The following ACAP2 variants were observed in gnomAD, a reference collection of about 807,000 sequenced individuals.
The protein encoded by ACAP2 is arf-GAP with coiled-coil, ANK repeat and PH domain-containing protein 2.
A neutral mutation model predicts 115.8 loss-of-function variants in ACAP2; 39 were observed. That is an observed-to-expected ratio of 0.34 (90% confidence interval 0.26 to 0.44). The LOEUF is 0.44. ACAP2 is among the 20% of genes least tolerant of loss of function. The pLI is 1.00. For missense variants in ACAP2, 662 were observed against 927.6 expected (o/e 0.71, Z 3.72); for synonymous variants, 289 against 315.8 (o/e 0.92, Z 0.90).
At chr3:195,424,523 T>G (rs950328334) in intron 1 of ACAP2, among the ~76,000 whole-genome samples, 6 of 150,978 alleles carry the variant, frequency 4.0e-5, no homozygotes, top group African/African-American at 1.5e-4. Context: ...GGTCTTGAAC[T>G]CCTGACCTCA....
intron 4 of ACAP2, among the ~76,000 whole-genome samples, chr3:195,365,698 T>C (rs900882730): frequency 2.6e-5 from 4 of 152,206 alleles, no homozygotes; most frequent in African/African-American, 9.6e-5. Flanking sequence ...TGTGCCACTA[T>C]AGATTCATTG....
chr3:195,275,737 G>C lies in ACAP2; in HGVS notation c.*3591C>G, dbSNP rs555960026. On this transcript the variant is annotated 3_prime_UTR_variant, in exon 23 of 23. Coordinates refer to ENST00000326793, the MANE Select transcript of ACAP2 (RefSeq NM_012287.6). ...AGGATCAAAAAAGTAGACAACTTTG[G>C]AGCTTAGATTAAGATCTCAGAAATC... 6.6e-6 allele frequency: 1 copy of C among 152,292 alleles called. No individual in the cohort carries two copies. Among genetic ancestry groups the C allele is most frequent in the South Asian group, 2.1e-4 (1 of 4,818 alleles). 9.4% of individuals were successfully genotyped at this position (152,292 alleles called of 1,614,324 possible).
At position 195,346,694 on chromosome 3, in the gene ACAP2, A is replaced by G. The variant is rs1731210083; in HGVS notation, c.286-1377T>C. On this transcript the variant is annotated intron_variant, in intron 4 of 22. Transcript: ENST00000326793. ...ATGTGGCCAAATGAAATTAAAACTT[A>G]TGTTCACACAAAAACCTGTACTCAA... Among the ~76,000 whole-genome samples the G allele has an allele frequency of 2.0e-5, 3 of 152,252 alleles. 1 individual carries two copies. The South Asian group carries it at 6.2e-4, about 31-fold the overall frequency.
At chr3:195,367,678 T>G (rs963358586) in intron 4 of ACAP2, among the ~76,000 whole-genome samples, 1 of 152,188 alleles carries the variant, frequency 6.6e-6, no homozygotes, top group Middle Eastern at 3.2e-3. Flanking sequence ...TAAGGGACCA[T>G]GTACCCACTG....
At chr3:195,361,764 A>C (rs142169025) in intron 4 of ACAP2, among the ~76,000 whole-genome samples, 400 of 152,232 alleles carry the variant, frequency 2.6e-3, no homozygotes, top group African/African-American at 9.1e-3. Flanking sequence ...AAAAGATTAA[A>C]AAACTGACAA....
intron 7 of ACAP2, chr3:195,336,477 G>A (rs1236315636): frequency 2.0e-5 from 3 of 152,676 alleles, no homozygotes; most frequent in African/African-American, 4.8e-5. Context: ...ATGTAAATAT[G>A]TTGAAAGAGG....
rs1727320168 is a variant in ACAP2 at position 195,292,429 on chromosome 3, T to C, written c.1789A>G (p.Met597Val). Residue 597 changes from methionine (M) to valine (V), a missense_variant, in exon 19 of 23, where the codon ATG (methionine) becomes GTG (valine). By Grantham distance (21) the Met-to-Val change is conservative. Around this residue, in one of 3 missense-constraint regions of ACAP2, gnomAD observed 133 missense variants for 123.1 expected, o/e 1.08. Transcript: ENST00000326793. ...TTAAGATGTTTCGAGTCAAGAAACA[T>C]AGAAGAATCTTGCCTTTCTCCTTCT... ...EPEGERQDSS[M>V]FLDSKHLNPG... The C allele has an allele frequency of 6.2e-7, 1 of 1,608,002 alleles. No homozygotes were observed. The highest frequency in any genetic ancestry group is 8.5e-7 in the Non-Finnish European group (1 of 1,178,498).
chr3:195,322,065 A>G (rs1382766656), intron 9 of ACAP2, among the ~76,000 whole-genome samples: 1 of 152,232 alleles, frequency 6.6e-6, no homozygotes, highest in Admixed American at 6.5e-5. Flanking sequence ...GTCTTCTTCT[A>G]GCGTTCTAAT....
At chr3:195,374,363 C>A (rs1341228893) in intron 4 of ACAP2, among the ~76,000 whole-genome samples, 3 of 152,208 alleles carry the variant, frequency 2.0e-5, no homozygotes, top group Non-Finnish European at 2.9e-5. Context: ...GCACTCCAGC[C>A]TGGGGGCTGA....
chr3:195,408,399 A>G (rs2108805174), intron 1 of ACAP2, among the ~76,000 whole-genome samples: 1 of 152,234 alleles, frequency 6.6e-6, no homozygotes, highest in African/African-American at 2.4e-5. Context: ...GAAAAGCAGA[A>G]GTTGCAGTGA....
At chr3:195,289,295 A>T (rs1418547121) in intron 20 of ACAP2, 64 bp from the exon 21 acceptor site, 4 of 589,832 alleles carry the variant, frequency 6.8e-6, no homozygotes, top group African/African-American at 4.0e-5. Flanking sequence ...TATTCACCTT[A>T]AAAAAAAAAA....
chr3:195,425,522 T>C (rs1027286122), intron 1 of ACAP2, among the ~76,000 whole-genome samples: 5 of 152,196 alleles, frequency 3.3e-5, no homozygotes, highest in Non-Finnish European at 2.9e-5. Flanking sequence ...TGGTGGTCTG[T>C]GTCCCAAAAA....
chr3:195,388,870 A>G (rs1206084580), intron 2 of ACAP2, among the ~76,000 whole-genome samples: 1 of 151,928 alleles, frequency 6.6e-6, no homozygotes, highest in African/African-American at 2.4e-5. Flanking sequence ...ATAAATACGA[A>G]AAAATTAGCC....
chr3:195,421,217 T>TA (rs1714162988), intron 1 of ACAP2, among the ~76,000 whole-genome samples: 1 of 152,188 alleles, frequency 6.6e-6, no homozygotes, highest in Admixed American at 6.5e-5. Context: ...GCCTGAGTCC[T>TA]ATTCACCTCT....
intron 4 of ACAP2, among the ~76,000 whole-genome samples, chr3:195,363,170 G>T (rs760529941): frequency 1.3e-5 from 2 of 152,102 alleles, no homozygotes; most frequent in Non-Finnish European, 2.9e-5. Context: ...ATCTGAAAAA[G>T]AAATCAAGGA....
At chr3:195,417,791 T>A (rs933266107) in intron 1 of ACAP2, among the ~76,000 whole-genome samples, 1 of 151,890 alleles carries the variant, frequency 6.6e-6, no homozygotes, top group African/African-American at 2.4e-5. Context: ...CTACAAAAAA[T>A]TTTAAAAATT....
In ACAP2 at chr3:195,333,087, G is replaced by A. The variant is rs777278779; in HGVS notation, c.610C>T (p.His204Tyr). ...TCACTAAACAGATCATATCCTTGAT[G>A]AAAGAAGGCCAAATGGGCATACATA... ...SFMYAHLAFF[H>Y]QGYDLFSELG... The change falls in exon 8 of 23, where the codon CAT (histidine) becomes TAT (tyrosine). Residue 204 changes from histidine (H) to tyrosine (Y), a missense_variant. Transcript: ENST00000326793. The A allele has an allele frequency of 6.2e-7, 1 of 1,609,348 alleles. No individual in the cohort carries two copies. The highest frequency in any genetic ancestry group is 1.1e-5 in the South Asian group (1 of 90,330).
intron 1 of ACAP2, among the ~76,000 whole-genome samples, chr3:195,398,692 C>G (rs1712016022): frequency 6.8e-6 from 1 of 147,670 alleles, no homozygotes; most frequent in South Asian, 2.2e-4. Context: ...ATGTCTCTGC[C>G]TTCATTGTTT....
rs150334403 is a variant in ACAP2 at position 195,375,641 on chromosome 3, A to G, written c.285+5368T>C. Among the ~76,000 whole-genome samples, 1,018 of 152,160 alleles carry G rather than the reference A, an allele frequency of 6.7e-3. 13 individuals carry two copies. The highest frequency in any genetic ancestry group is 0.034 in the Middle Eastern group (10 of 294). On this transcript the variant is annotated intron_variant, in intron 4 of 22. Coordinates refer to ENST00000326793, the MANE Select transcript of ACAP2 (RefSeq NM_012287.6). ...AGCCTGGACAACACAGCAAGACCCC[A>G]TCTCAACAAAAAAATTAAAAATTAG...
Sources: gnomAD v4.1 joint callset for allele counts (sites outside exome capture counted in the v4.1 genomes callset) on GRCh38, gnomAD v4.1.1 for gene constraint, gnomAD v4.1.1 regional missense constraint, MANE v1.5 for transcripts, NCBI Gene and HGNC (gene_info 2026-07-23, HGNC 2026-07-21) for gene names.